Variants in CPAP observed in about 807,000 individuals in gnomAD.
CPAP encodes centrosome assembly and centriole elongation protein.
the CPAP span, chr13:24,933,123 A>G: frequency 6.0e-5 from 94 of 1,578,490 alleles, no homozygotes; most frequent in Non-Finnish European, 7.7e-5. Context: ...TTTCCTTTTC[A>G]TTAAATCCTC....
chr13:24,882,654 A>G, the CPAP span: 3 of 156,630 alleles, frequency 1.9e-5, no homozygotes, highest in South Asian at 1.9e-4. Context: ...TGTGTGACCT[A>G]TTTATATTCA....
At chr13:24,909,400 T>C in the CPAP span, among the ~76,000 whole-genome samples, 1 of 151,946 alleles carries the variant, frequency 6.6e-6, no homozygotes, top group Non-Finnish European at 1.5e-5. Context: ...TGGTGGCACA[T>C]ACCTGTAATC....
the CPAP span, among the ~76,000 whole-genome samples, chr13:24,887,141 C>T: frequency 6.6e-6 from 1 of 152,136 alleles, no homozygotes; most frequent in Non-Finnish European, 1.5e-5. Context: ...TTAAGAAGCA[C>T]TGCCCAAAGG....
chr13:24,905,801 G>A, the CPAP span: 1 of 1,614,046 alleles, frequency 6.2e-7, no homozygotes, highest in South Asian at 1.1e-5. Context: ...ATCTTCTTGG[G>A]TCCTGGTGTC....
At chr13:24,928,727 G>T in the CPAP span, among the ~76,000 whole-genome samples, 12 of 152,176 alleles carry the variant, frequency 7.9e-5, no homozygotes, top group Admixed American at 7.9e-4. Context: ...ACCACACCTG[G>T]CCAGTAAAGA....
At chr13:24,919,794 C>T in the CPAP span, among the ~76,000 whole-genome samples, 1 of 151,970 alleles carries the variant, frequency 6.6e-6, no homozygotes. Flanking sequence ...GACAGGGTCT[C>T]ACAATGTCAC....
chr13:24,886,321 G>A, the CPAP span: 1 of 1,289,248 alleles, frequency 7.8e-7, no homozygotes, highest in Non-Finnish European at 1.0e-6. Flanking sequence ...ATGGCCTGAA[G>A]GAGGAGAGCG....
the CPAP span, among the ~76,000 whole-genome samples, chr13:24,891,981 G>C: frequency 6.6e-6 from 1 of 152,080 alleles, no homozygotes; most frequent in African/African-American, 2.4e-5. Flanking sequence ...CCACCCAGAC[G>C]GCGACGCCAC....
chr13:24,913,967 G>A, the CPAP span, among the ~76,000 whole-genome samples: 1 of 152,170 alleles, frequency 6.6e-6, no homozygotes, highest in Admixed American at 6.5e-5. Context: ...CATTTATTGG[G>A]TTCTTACTCT....
the CPAP span, among the ~76,000 whole-genome samples, chr13:24,893,845 T>C: frequency 6.6e-6 from 1 of 152,340 alleles, no homozygotes; most frequent in South Asian, 2.1e-4. Context: ...TCAGGCACTG[T>C]CACAGGCCCT....
At chr13:24,910,934 C>T in the CPAP span, among the ~76,000 whole-genome samples, 1 of 152,116 alleles carries the variant, frequency 6.6e-6, no homozygotes, top group African/African-American at 2.4e-5. Context: ...CCCACCTGAC[C>T]CCTGCACCCA....
At chr13:24,908,988 A>T in the CPAP span, among the ~76,000 whole-genome samples, 1 of 146,482 alleles carries the variant, frequency 6.8e-6, no homozygotes, top group Non-Finnish European at 1.5e-5. Flanking sequence ...ACACATATAG[A>T]AGTAAAGATA....
chr13:24,910,153 T>C, the CPAP span: 1 of 1,421,522 alleles, frequency 7.0e-7, no homozygotes, highest in Non-Finnish European at 9.8e-7. Context: ...TCCCCAGTAG[T>C]GACCCCCACC....
chr13:24,887,754 A>G, the CPAP span, among the ~76,000 whole-genome samples: 15 of 152,354 alleles, frequency 9.8e-5, no homozygotes, highest in Admixed American at 3.3e-4. Context: ...CAGTCCATGG[A>G]AAAATTGTCT....
At chr13:24,898,454 C>T in the CPAP span, among the ~76,000 whole-genome samples, 200 of 151,950 alleles carry the variant, frequency 1.3e-3, 2 homozygotes, top group Non-Finnish European at 1.4e-3. Flanking sequence ...AATAGGTGGC[C>T]GGAGCAAGGG....
At chr13:24,926,806 T>C in the CPAP span, among the ~76,000 whole-genome samples, 1 of 152,214 alleles carries the variant, frequency 6.6e-6, no homozygotes, top group African/African-American at 2.4e-5. Flanking sequence ...CCCATCACTT[T>C]CAACACCTAT....
chr13:24,895,155 G>A, the CPAP span, among the ~76,000 whole-genome samples: 1 of 152,268 alleles, frequency 6.6e-6, no homozygotes, highest in Admixed American at 6.5e-5. Context: ...GGAAGGCCGA[G>A]GGGACTCCGC....
chr13:24,930,557 T>C, the CPAP span, among the ~76,000 whole-genome samples: 3 of 152,236 alleles, frequency 2.0e-5, no homozygotes, highest in Admixed American at 6.5e-5. Flanking sequence ...AATTTGAACA[T>C]GCAGTATTTG....
the CPAP span, chr13:24,912,617 C>A: frequency 6.2e-7 from 1 of 1,613,734 alleles, no homozygotes; most frequent in Non-Finnish European, 8.5e-7. Context: ...TCTTTATAAG[C>A]CCCTTCTTTG....
Sources: gnomAD v4.1 joint callset for allele counts (sites outside exome capture counted in the v4.1 genomes callset) on GRCh38, gnomAD v4.1.1 for gene constraint, MANE v1.5 for transcripts, NCBI Gene and HGNC (gene_info 2026-07-23, HGNC 2026-07-21) for gene names.